PGM3: variants seen among roughly 807,000 people sequenced by gnomAD.
The protein encoded by PGM3 is phosphoacetylglucosamine mutase.
A neutral mutation model predicts 66.2 loss-of-function variants in PGM3; 40 were observed. That is an observed-to-expected ratio of 0.60 (90% CI 0.47 to 0.79). PGM3 has a LOEUF of 0.79. Ranked by LOEUF, PGM3 falls within the 30% of genes least tolerant of loss-of-function variation. PGM3 has a pLI of 0.00. For synonymous variants in PGM3, 191 were observed against 224.2 expected, an observed-to-expected ratio of 0.85 and a Z score of 1.32; for missense variants, 537 against 643.4, an observed-to-expected ratio of 0.83 and a Z score of 1.79.
rs538958658 is a variant in PGM3, at chr6:83,172,842, ATGAT to A, written c.1243-787_1243-784del. Among the ~76,000 whole-genome samples the A allele has an allele frequency of 1.4e-3, 217 of 152,318 alleles. 2 individuals carry two copies. The highest frequency in any genetic ancestry group is 4.9e-3 in the African/African-American group (203 of 41,580). ...CTTGTGTGTGAATAAGTGTAAAAAAATGATTGATTGCTTATTGATTGATAGCATA... is the reference window on the plus strand; with the variant it reads ...CTTGTGTGTGAATAAGTGTAAAAAAATGATTGCTTATTGATTGATAGCATA... On this transcript the variant is annotated intron_variant, in intron 10 of 12. Transcript: ENST00000513973.
intron 6 of PGM3, 78 bp downstream of exon 6, chr6:83,181,657 CT>C (rs1788182764): frequency 2.0e-6 from 2 of 984,928 alleles, no homozygotes; most frequent in Admixed American, 4.8e-5. Flanking sequence ...TCTTAACTCA[CT>C]TTACCACCTT....
At chr6:83,185,807 A>C (rs1405343830) in intron 4 of PGM3, among the ~76,000 whole-genome samples, 1 of 152,126 alleles carries the variant, frequency 6.6e-6, no homozygotes, top group Non-Finnish European at 1.5e-5. Flanking sequence ...AAATGAAAAA[A>C]GGTAGCTCAA....
intron 4 of PGM3, 41 bp downstream of exon 4, chr6:83,186,967 T>G: frequency 8.9e-7 from 1 of 1,123,970 alleles, no homozygotes; most frequent in Admixed American, 2.2e-5. Flanking sequence ...TTAAAGTTTT[T>G]TAAATATTAG....
chr6:83,167,773 C>A lies in PGM3; in HGVS notation c.*1461G>T. On this transcript the variant is annotated 3_prime_UTR_variant, in exon 13 of 13. Transcript: ENST00000513973. ...AATGTCATTTGTATTCATTTCTTGA[C>A]CAATTGCCAAAGTTTATATATTTTT... The A allele has an allele frequency of 6.9e-7, 1 of 1,456,186 alleles. No individual in the cohort carries two copies. Among genetic ancestry groups the A allele is most frequent in the Non-Finnish European group, 9.1e-7 (1 of 1,104,536 alleles). 90.2% of individuals were successfully genotyped at this position (1,456,186 alleles called of 1,614,324 possible).
chr6:83,163,376 C>T (rs948744597), downstream of PGM3, among the ~76,000 whole-genome samples: 1 of 151,808 alleles, frequency 6.6e-6, no homozygotes, highest in African/African-American at 2.4e-5. Context: ...ATTTTTAGAA[C>T]CTGTCAGAGT....
downstream of PGM3, chr6:83,159,946 T>C (rs938025424): frequency 6.2e-7 from 1 of 1,613,992 alleles, no homozygotes; most frequent in African/African-American, 1.3e-5. Flanking sequence ...CTGAAAACCT[T>C]CCTCAGTTTC....
At chr6:83,152,196 C>T in the PGM3 span, 4 of 698,928 alleles carry the variant, frequency 5.7e-6, no homozygotes, top group African/African-American at 2.0e-5. Flanking sequence ...TATATATATA[C>T]ATATATAAAA....
In PGM3 at chr6:83,166,937, T is replaced by C. The variant is rs1583225417; in HGVS notation, c.*2297A>G. 1 of 986,966 alleles carries C rather than the reference T, an allele frequency of 1.0e-6. No homozygotes were observed. The highest frequency in any genetic ancestry group is 1.7e-5 in the African/African-American group (1 of 57,380). 61.1% of individuals were successfully genotyped at this position (986,966 alleles called of 1,614,324 possible). A position where few individuals can be genotyped will look rare whatever the true frequency, so the allele number is the denominator to read the frequency against. Reference sequence around the variant, plus strand: ...CTTCTGTCTAGTTCATTGCTTATTTTCATTCTTTAGTGTGGAATTGTATCT... The same window carrying C: ...CTTCTGTCTAGTTCATTGCTTATTTCCATTCTTTAGTGTGGAATTGTATCT... On this transcript the variant is annotated 3_prime_UTR_variant, in exon 13 of 13. Transcript: ENST00000513973.
chr6:83,178,498 T>G (rs754102625), intron 8 of PGM3, among the ~76,000 whole-genome samples, 175 bp downstream of exon 8: 18 of 152,238 alleles, frequency 1.2e-4, no homozygotes, highest in Non-Finnish European at 2.5e-4. Context: ...AAAGAAGTTT[T>G]CCTTTATTCA....
In PGM3 at chr6:83,188,592, TAC is replaced by T; in HGVS notation, c.389+20_389+21del. The stretch of plus-strand genomic sequence containing the variant: ...TCACGTTCCCAAAGGTTTTTTTTTT[TAC>T]CAGTAACTCTTATCATCACCTGGTA... On this transcript the variant is annotated intron_variant, in intron 3 of 12. Transcript: ENST00000513973. 1 of 1,502,710 alleles carries T rather than the reference TAC, an allele frequency of 6.7e-7. No individual in the cohort carries two copies. Among genetic ancestry groups the T allele is most frequent in the Non-Finnish European group, 9.1e-7 (1 of 1,096,186 alleles). 93.1% of individuals were successfully genotyped at this position (1,502,710 alleles called of 1,614,324 possible). A position where few individuals can be genotyped will look rare whatever the true frequency, so the allele number is the denominator to read the frequency against.
downstream of PGM3, chr6:83,162,944 T>G: frequency 6.2e-7 from 1 of 1,604,604 alleles, no homozygotes; most frequent in South Asian, 1.1e-5. Context: ...TGTGATTGTT[T>G]TGTTTTACAT....
chr6:83,174,829 G>A (rs567817359), intron 9 of PGM3, among the ~76,000 whole-genome samples: 1 of 152,170 alleles, frequency 6.6e-6, no homozygotes, highest in Non-Finnish European at 1.5e-5. Context: ...AGGTTACTTA[G>A]AGCCTGTCTG....
intron 7 of PGM3, among the ~76,000 whole-genome samples, chr6:83,179,409 T>C (rs1274272028): frequency 6.6e-6 from 1 of 152,162 alleles, no homozygotes; most frequent in Non-Finnish European, 1.5e-5. Context: ...TAGCCTGAGA[T>C]TTATTTCTAA....
At chr6:83,185,954 CAAAG>C in intron 4 of PGM3, among the ~76,000 whole-genome samples, 1 of 152,016 alleles carries the variant, frequency 6.6e-6, no homozygotes, top group Non-Finnish European at 1.5e-5. Flanking sequence ...AGTAGAAGCT[CAAAG>C]AAAGAGCTTT....
chr6:83,181,302 C>T (rs1788158237), intron 6 of PGM3, among the ~76,000 whole-genome samples: 1 of 152,070 alleles, frequency 6.6e-6, no homozygotes, highest in Non-Finnish European at 1.5e-5. Context: ...CTGTGATTCT[C>T]AAAAAGGGAT....
downstream of PGM3, among the ~76,000 whole-genome samples, chr6:83,156,467 T>C (rs1423169077): frequency 6.6e-6 from 1 of 152,148 alleles, no homozygotes; most frequent in Non-Finnish European, 1.5e-5. Flanking sequence ...AGCCAGGAAA[T>C]TGTGGCTAGA....
chr6:83,160,839 T>G (rs192997688), downstream of PGM3, among the ~76,000 whole-genome samples: 3 of 152,272 alleles, frequency 2.0e-5, no homozygotes, highest in African/African-American at 7.2e-5. Context: ...TACTGAGCTT[T>G]TTCTCTTTTT....
intron 1 of PGM3, among the ~76,000 whole-genome samples, chr6:83,192,186 AACCCGC>A (rs1789169718): frequency 6.6e-6 from 1 of 151,552 alleles, no homozygotes; most frequent in South Asian, 2.1e-4. Flanking sequence ...GAATCGCTTG[AACCCGC>A]GGGTGGAGGT....
At chr6:83,161,513 A>G (rs1377339764), downstream of PGM3, among the ~76,000 whole-genome samples, 1 of 152,204 alleles carries the variant, frequency 6.6e-6, no homozygotes, top group Non-Finnish European at 1.5e-5. Flanking sequence ...ATATGACAAA[A>G]GTCTAAAATG....
Sources: gnomAD v4.1 joint callset for allele counts (sites outside exome capture counted in the v4.1 genomes callset) on GRCh38, gnomAD v4.1.1 for gene constraint, MANE v1.5 for transcripts, NCBI Gene and HGNC (gene_info 2026-07-23, HGNC 2026-07-21) for gene names.